Variants in RASGRF1 observed in about 807,000 individuals in gnomAD.
RASGRF1 encodes the protein ras-specific guanine nucleotide-releasing factor 1.
Under a neutral mutation model 138.7 loss-of-function variants are expected in RASGRF1, and 40 were observed. That is an observed-to-expected ratio of 0.29 (90% confidence interval 0.22 to 0.38). The LOEUF is 0.38. Among genes scored for constraint, RASGRF1 ranks in the 10% least tolerant of loss-of-function variants. The probability of loss-of-function intolerance (pLI) is 1.00; values close to 1 mark genes in which losing one functional copy is unlikely to be tolerated. For missense variants in RASGRF1, 1,108 were observed against 1,650.4 expected (o/e 0.67, Z 5.69); for synonymous variants, 614 against 663.2 (o/e 0.93, Z 1.14).
chr15:79,044,290 A>G (rs1248726297), intron 5 of RASGRF1, among the ~76,000 whole-genome samples: 5 of 152,202 alleles, frequency 3.3e-5, no homozygotes, highest in Non-Finnish European at 7.3e-5. Flanking sequence ...CTATCTGGAA[A>G]GTTCTTTCCT....
At chr15:79,020,221 A>G in intron 10 of RASGRF1, 117 bp from the exon 11 acceptor site, 1 of 890,926 alleles carries the variant, frequency 1.1e-6, no homozygotes, top group East Asian at 2.4e-5. Context: ...ATACACACAG[A>G]TGTATGGATG....
At chr15:79,047,812 C>T (rs2057374908) in intron 4 of RASGRF1, among the ~76,000 whole-genome samples, 1 of 152,164 alleles carries the variant, frequency 6.6e-6, no homozygotes, top group African/African-American at 2.4e-5. Context: ...GCTCACGGTC[C>T]ACACTGGGAG....
intron 24 of RASGRF1, among the ~76,000 whole-genome samples, chr15:78,977,827 G>C (rs1375713395): frequency 6.6e-6 from 1 of 152,224 alleles, no homozygotes; most frequent in Non-Finnish European, 1.5e-5. Flanking sequence ...GTTGAGATTA[G>C]ACAGGGTAGT....
At chr15:79,047,292 A>T (rs1352843875) in intron 4 of RASGRF1, among the ~76,000 whole-genome samples, 1 of 152,166 alleles carries the variant, frequency 6.6e-6, no homozygotes, top group African/African-American at 2.4e-5. Context: ...TGAAGAGCTT[A>T]TTGGAAATGC....
At chr15:79,083,717 C>G (rs1454926416) in intron 1 of RASGRF1, among the ~76,000 whole-genome samples, 2 of 152,212 alleles carry the variant, frequency 1.3e-5, no homozygotes, top group African/African-American at 4.8e-5. Context: ...CTCCTGGGTT[C>G]ATGGCCCAGC....
At chr15:79,069,936 C>T (rs2057732458) in intron 1 of RASGRF1, among the ~76,000 whole-genome samples, 1 of 152,200 alleles carries the variant, frequency 6.6e-6, no homozygotes, top group African/African-American at 2.4e-5. Context: ...AACCTTGGCC[C>T]TTATGAGGCT....
At chr15:79,053,124 G>A (rs902809459) in intron 3 of RASGRF1, among the ~76,000 whole-genome samples, 4 of 152,070 alleles carry the variant, frequency 2.6e-5, no homozygotes, top group Non-Finnish European at 4.4e-5. Flanking sequence ...AATTAGCTGG[G>A]TGTGGTGGCG....
At position 78,973,436 on chromosome 15, in the gene RASGRF1, C is replaced by T; in HGVS notation, c.3495-16G>A. Reference sequence around the variant, plus strand: ...TGGGTCACAACTTGGAAGCAAACGGCATTAACACAAGTTTTTCATTTTAAA... The same window carrying T: ...TGGGTCACAACTTGGAAGCAAACGGTATTAACACAAGTTTTTCATTTTAAA... On this transcript the variant is annotated splice_polypyrimidine_tract_variant and intron_variant, in intron 24 of 26. Coordinates refer to ENST00000558480, the MANE Select transcript of RASGRF1 (RefSeq NM_001145648.3). The surrounding 1 kb of genome is among the most constrained non-coding windows in gnomAD (Gnocchi z 4.9). 6.5e-7 allele frequency: 1 copy of T among 1,544,062 alleles called. No homozygotes were observed. Among genetic ancestry groups the T allele is most frequent in the Non-Finnish European group, 8.9e-7 (1 of 1,123,206 alleles).
intron 13 of RASGRF1, among the ~76,000 whole-genome samples, chr15:79,010,624 C>T (rs545301850): frequency 6.6e-6 from 1 of 152,366 alleles, no homozygotes; most frequent in South Asian, 2.1e-4. Context: ...TCTGATCTTT[C>T]AACACTTCTT....
intron 24 of RASGRF1, among the ~76,000 whole-genome samples, chr15:78,977,706 G>A (rs530159265): frequency 6.6e-6 from 1 of 152,330 alleles, no homozygotes; most frequent in Admixed American, 6.5e-5. Flanking sequence ...AAAGGGGAAA[G>A]GCTTTCACTG....
In RASGRF1 at chr15:79,058,196, G is replaced by A. The variant is rs376715378; in HGVS notation, c.531+138C>T. The stretch of plus-strand genomic sequence containing the variant: ...CTTCTCATTCTGCCAGTACCACCAC[G>A]TCCTAAGTTTGGAGTCTGGAAGAAC... On this transcript the variant is annotated intron_variant, in intron 3 of 26. Transcript: ENST00000558480. 3.1e-3 allele frequency: 3,984 copies of A among 1,298,256 alleles called. 6 individuals carry two copies. The highest frequency in any genetic ancestry group is 3.8e-3 in the Non-Finnish European group (3,650 of 952,064). 80.4% of individuals were successfully genotyped at this position (1,298,256 alleles called of 1,614,324 possible). A position where few individuals can be genotyped will look rare whatever the true frequency, so the allele number is the denominator to read the frequency against.
At chr15:78,978,676 G>C in intron 24 of RASGRF1, 1 of 1,018,388 alleles carries the variant, frequency 9.8e-7, no homozygotes, top group Non-Finnish European at 1.2e-6. Context: ...TCTTGCCCCC[G>C]TCCCCTGCCT....
chr15:78,971,917 T>C lies in RASGRF1; in HGVS notation c.3630A>G (p.Arg1210=). ...SKMRMISHII[R]EIRQFQQTAY... The stretch of plus-strand genomic sequence containing the variant: ...CAGTTTGTTGAAACTGGCGAATCTC[T>C]CGGATAATATGGGATATCTGTGGGA... Residue 1210 remains arginine (R), a synonymous_variant, in exon 26 of 27, where the codon CGA becomes CGG. Transcript: ENST00000558480. 1.3e-6 allele frequency: 2 copies of C among 1,585,894 alleles called. No individual in the cohort carries two copies. Among genetic ancestry groups the C allele is most frequent in the Non-Finnish European group, 1.7e-6 (2 of 1,154,254 alleles).
At chr15:79,064,332 G>T in intron 2 of RASGRF1, 88 bp downstream of exon 2, 1 of 1,259,894 alleles carries the variant, frequency 7.9e-7, no homozygotes, top group Non-Finnish European at 1.1e-6. Context: ...ACTTCATGGG[G>T]CTTGGCTTTG....
intron 3 of RASGRF1, among the ~76,000 whole-genome samples, chr15:79,053,502 C>T (rs1264779203): frequency 6.6e-6 from 1 of 152,172 alleles, no homozygotes; most frequent in Non-Finnish European, 1.5e-5. Context: ...TCATGCCAAA[C>T]TGAGCATTCT....
chr15:78,967,462 C>T lies in RASGRF1; in HGVS notation c.3681+4404G>A, dbSNP rs147006600. On this transcript the variant is annotated intron_variant, in intron 26 of 26. Transcript: ENST00000558480. ...ATTCAGGAGGGTGAGGTAGGAGGAT[C>T]GCTTGAACCTCATGAGGTCGAGGCT... is the stretch of plus-strand genomic sequence containing the variant. 5.9e-5 allele frequency among the ~76,000 whole-genome samples: 9 copies of T among 151,912 alleles called. No homozygotes were observed. In the East Asian group the frequency reaches 9.7e-4, roughly 16 times the overall value.
chr15:78,969,961 G>A (rs1468702073), intron 26 of RASGRF1, among the ~76,000 whole-genome samples: 1 of 152,206 alleles, frequency 6.6e-6, no homozygotes, highest in African/African-American at 2.4e-5. Flanking sequence ...CAAAGCAAAA[G>A]TGGCCAGTTT....
chr15:79,006,227 G>T lies in RASGRF1; in HGVS notation c.2034C>A (p.Leu678=). ...FTTAIVVLDK[L]ITIYKKPISA... ...TGATAGGCTTCTTGTAGATGGTAATGAGCTTGTCCAGGACCACGATGGCGG... is the reference window on the plus strand; with the variant it reads ...TGATAGGCTTCTTGTAGATGGTAATTAGCTTGTCCAGGACCACGATGGCGG... Residue 678 remains leucine, a synonymous_variant, in exon 14 of 27, where the codon CTC becomes CTA. Transcript: ENST00000558480. The surrounding 1 kb of genome is among the most constrained non-coding windows in gnomAD (Gnocchi z 4.0). 1 of 1,614,108 alleles carries T rather than the reference G, an allele frequency of 6.2e-7. No homozygotes were observed. The highest frequency in any genetic ancestry group is 2.2e-5 in the East Asian group (1 of 44,900).
At chr15:78,966,879 G>T (rs1002009802) in intron 26 of RASGRF1, among the ~76,000 whole-genome samples, 2 of 152,006 alleles carry the variant, frequency 1.3e-5, no homozygotes, top group Non-Finnish European at 2.9e-5. Context: ...AGTTTAGTAT[G>T]AATAAAATAA....
Sources: gnomAD v4.1 joint callset for allele counts (sites outside exome capture counted in the v4.1 genomes callset) on GRCh38, gnomAD v4.1.1 for gene constraint, Gnocchi (gnomAD v3.1) non-coding constraint, MANE v1.5 for transcripts, NCBI Gene and HGNC (gene_info 2026-07-23, HGNC 2026-07-21) for gene names.